Variants in EMC2 observed in about 807,000 individuals in gnomAD.
The protein encoded by EMC2 is ER membrane protein complex subunit 2, also known as TPR repeat protein 35.
EMC2 carries 37 observed loss-of-function variants against 51.6 expected under a neutral mutation model. The ratio of observed to expected loss-of-function variants is 0.72; its 90% CI spans 0.55 to 0.94. The LOEUF (loss-of-function observed/expected upper bound fraction) is 0.94. EMC2 is among the 40% of genes least tolerant of loss of function. The pLI is 0.00. For synonymous variants in EMC2, 131 were observed against 112.4 expected (o/e 1.17, Z -1.04); for missense variants, 359 against 350.9 (o/e 1.02, Z -0.18).
intron 5 of EMC2, among the ~76,000 whole-genome samples, chr8:108,461,160 T>C (rs1819310229): frequency 6.6e-6 from 1 of 152,250 alleles, no homozygotes; most frequent in Non-Finnish European, 1.5e-5. Context: ...AGTTTTATTC[T>C]CATTTACTGT....
At chr8:108,485,452 T>TATATATAATATATATAGGTA in intron 10 of EMC2, among the ~76,000 whole-genome samples, 3 of 143,930 alleles carry the variant, frequency 2.1e-5, no homozygotes, top group Middle Eastern at 7.2e-3. Flanking sequence ...TTAATATATA[T>TATATATAATATATATAGGTA]ACATATATAT....
intron 3 of EMC2, among the ~76,000 whole-genome samples, chr8:108,452,784 A>T (rs531505491): frequency 6.6e-6 from 1 of 152,268 alleles, no homozygotes; most frequent in Admixed American, 6.5e-5. Context: ...AGGAGGAATA[A>T]TATGATATTA....
chr8:108,485,936 G>A (rs2130424647), intron 10 of EMC2, among the ~76,000 whole-genome samples: 1 of 151,718 alleles, frequency 6.6e-6, no homozygotes, highest in African/African-American at 2.4e-5. Context: ...TTAATGTGTA[G>A]CATAGGTTTT....
intron 5 of EMC2, among the ~76,000 whole-genome samples, chr8:108,468,852 T>TA (rs1810793101): frequency 6.6e-6 from 1 of 152,224 alleles, no homozygotes; most frequent in South Asian, 2.1e-4. Flanking sequence ...AGTCCCTGAC[T>TA]GTTTACTTCA....
chr8:108,444,178 T>G (rs1033158011), intron 1 of EMC2, among the ~76,000 whole-genome samples: 3 of 152,252 alleles, frequency 2.0e-5, no homozygotes, highest in African/African-American at 7.2e-5. Flanking sequence ...CATATGCCAC[T>G]CTACATTTAG....
At chr8:108,483,130 CT>C (rs1366095815) in intron 10 of EMC2, among the ~76,000 whole-genome samples, 2 of 152,188 alleles carry the variant, frequency 1.3e-5, no homozygotes, top group East Asian at 1.9e-4. Flanking sequence ...ATCTTTTCTT[CT>C]GCAAGATGGC....
chr8:108,478,990 T>C lies in EMC2; in HGVS notation c.703-16T>C. 1 of 1,502,658 alleles carries C rather than the reference T, an allele frequency of 6.7e-7. No individual in the cohort carries two copies. Among genetic ancestry groups the C allele is most frequent in the Non-Finnish European group, 9.0e-7 (1 of 1,115,012 alleles). 93.1% of individuals were successfully genotyped at this position (1,502,658 alleles called of 1,614,324 possible). A position where few individuals can be genotyped will look rare whatever the true frequency, so the allele number is the denominator to read the frequency against. Reference sequence around the variant, plus strand: ...AAAAAAGGAATTTTGCTTTTGATGTTTTTATTTGTTTTTAGTCGGCAAGTC... The same window carrying C: ...AAAAAAGGAATTTTGCTTTTGATGTCTTTATTTGTTTTTAGTCGGCAAGTC... On this transcript the variant is annotated splice_polypyrimidine_tract_variant and intron_variant, in intron 9 of 10. Transcript: ENST00000220853.
intron 10 of EMC2, 21 bp from the exon 11 acceptor site, chr8:108,486,488 CTTT>C: frequency 1.1e-5 from 14 of 1,323,898 alleles, no homozygotes; most frequent in Admixed American, 6.6e-5. Flanking sequence ...CCTAATTGAG[CTTT>C]TTTTTTTTTT....
At chr8:108,471,835 T>C (rs1430708951) in intron 7 of EMC2, among the ~76,000 whole-genome samples, 1 of 151,978 alleles carries the variant, frequency 6.6e-6, no homozygotes, top group Non-Finnish European at 1.5e-5. Context: ...GTACATTTTC[T>C]GTGGTTTTGA....
At chr8:108,473,888 G>A (rs1281578001) in intron 7 of EMC2, 2 of 151,990 alleles carry the variant, frequency 1.3e-5, no homozygotes, top group East Asian at 3.9e-4. Flanking sequence ...GTCTTGTTGA[G>A]TCACTGTGTG....
chr8:108,458,710 T>C (rs1296919678), intron 5 of EMC2, among the ~76,000 whole-genome samples: 1 of 152,144 alleles, frequency 6.6e-6, no homozygotes, highest in East Asian at 1.9e-4. Flanking sequence ...CTCCTAGGAC[T>C]CCAGGCCTGT....
rs1204805348 is a variant in EMC2 at position 108,447,557 on chromosome 8, G to A, written c.41-2266G>A. ...ATGAAGTGGAAAAGATACAGGATTGGAGGAAGTAGTTTTGGACTAAAGAAA... is the reference window on the plus strand; with the variant it reads ...ATGAAGTGGAAAAGATACAGGATTGAAGGAAGTAGTTTTGGACTAAAGAAA... On this transcript the variant is annotated intron_variant, in intron 1 of 10. Transcript: ENST00000220853. 1.3e-5 allele frequency among the ~76,000 whole-genome samples: 2 copies of A among 152,170 alleles called. 1 individual carries two copies. Among genetic ancestry groups the A allele is most frequent in the East Asian group, 3.8e-4 (2 of 5,198 alleles).
Position 108,470,049 on chromosome 8 carries a change from T to C in EMC2, c.450-13T>C. The C allele has an allele frequency of 1.2e-6, 2 of 1,611,566 alleles. No individual in the cohort carries two copies. The highest frequency in any genetic ancestry group is 1.7e-6 in the Non-Finnish European group (2 of 1,178,360). On this transcript the variant is annotated splice_polypyrimidine_tract_variant and intron_variant, in intron 6 of 10. Transcript: ENST00000220853. ...ATCTACACACTTACTTTTTTTTCTT[T>C]TCCTCTCACCAGATTTGTTGGAGAC... is the stretch of plus-strand genomic sequence containing the variant.
At chr8:108,484,748 A>G (rs1311449100) in intron 10 of EMC2, among the ~76,000 whole-genome samples, 1 of 151,958 alleles carries the variant, frequency 6.6e-6, no homozygotes, top group Non-Finnish European at 1.5e-5. Flanking sequence ...TGTTTCATAA[A>G]TGGTGGTAAA....
At chr8:108,452,329 G>A (rs1242663059) in intron 3 of EMC2, among the ~76,000 whole-genome samples, 1 of 152,198 alleles carries the variant, frequency 6.6e-6, no homozygotes, top group Non-Finnish European at 1.5e-5. Context: ...CAGTTTGGGA[G>A]GCCAAGGCAG....
intron 5 of EMC2, among the ~76,000 whole-genome samples, chr8:108,460,281 GATAAT>G (rs1434419527): frequency 1.3e-5 from 2 of 152,130 alleles, no homozygotes; most frequent in African/African-American, 4.8e-5. Context: ...CAGACTATAA[GATAAT>G]ATGTGATTAA....
chr8:108,476,605 G>T (rs1456352479), intron 8 of EMC2, among the ~76,000 whole-genome samples, 177 bp from the exon 9 acceptor site: 3 of 151,832 alleles, frequency 2.0e-5, no homozygotes, highest in African/African-American at 4.8e-5. Context: ...TTTGGGGAAG[G>T]TTATGTTTGA....
intron 4 of EMC2, among the ~76,000 whole-genome samples, chr8:108,454,605 T>C (rs1162026933): frequency 6.6e-6 from 1 of 152,138 alleles, no homozygotes; most frequent in Non-Finnish European, 1.5e-5. Flanking sequence ...AGCAAACTGT[T>C]ATCTGATCGA....
intron 10 of EMC2, among the ~76,000 whole-genome samples, chr8:108,485,180 A>C (rs1811111405): frequency 6.6e-6 from 1 of 151,740 alleles, no homozygotes; most frequent in South Asian, 2.1e-4. Flanking sequence ...GTGTTTGATC[A>C]CTTAATCTTT....
Sources: allele counts gnomAD v4.1 joint callset (sites outside exome capture counted in the v4.1 genomes callset), GRCh38; gene constraint gnomAD v4.1.1; transcripts MANE v1.5; gene names NCBI Gene and HGNC (gene_info 2026-07-23, HGNC 2026-07-21).